Variants in SLC9A9 observed in about 807,000 individuals in gnomAD.
SLC9A9 encodes solute carrier family 9 member A9, also known as sodium/hydrogen exchanger 9.
In SLC9A9, 62 loss-of-function variants were observed where a neutral mutation model predicts 77.8. The observed-to-expected ratio is 0.80, with a 90% CI of 0.65 to 0.98. SLC9A9 has a LOEUF of 0.98. Among genes scored for constraint, SLC9A9 ranks in the 50% least tolerant of loss-of-function variants. SLC9A9 has a pLI of 0.00. For missense variants in SLC9A9, 775 were observed against 774.9 expected (o/e 1.00, Z 0.00); for synonymous variants, 320 against 283.5 (o/e 1.13, Z -1.29).
intron 9 of SLC9A9, among the ~76,000 whole-genome samples, chr3:143,505,879 T>G (rs2036006946): frequency 6.6e-6 from 1 of 152,184 alleles, no homozygotes. Context: ...AGCTTATAAC[T>G]TAAGGGGAAG....
chr3:143,403,912 TC>T (rs891495616), intron 12 of SLC9A9, among the ~76,000 whole-genome samples: 1 of 152,178 alleles, frequency 6.6e-6, no homozygotes, highest in Non-Finnish European at 1.5e-5. Flanking sequence ...ATTATTTTTT[TC>T]TGCCCTTTCT....
intron 4 of SLC9A9, among the ~76,000 whole-genome samples, chr3:143,785,978 T>A (rs2008043839): frequency 6.8e-6 from 1 of 147,920 alleles, no homozygotes; most frequent in Non-Finnish European, 1.5e-5. Flanking sequence ...TGCCTCAGCC[T>A]CCCATGTAGC....
intron 6 of SLC9A9, among the ~76,000 whole-genome samples, chr3:143,650,027 C>T (rs1002907175): frequency 6.6e-6 from 1 of 152,090 alleles, no homozygotes; most frequent in Non-Finnish European, 1.5e-5. Context: ...AGAAGCTCAG[C>T]CCATGGGCTG....
At chr3:143,761,905 A>G (rs1259654858) in intron 4 of SLC9A9, among the ~76,000 whole-genome samples, 2 of 152,174 alleles carry the variant, frequency 1.3e-5, no homozygotes, top group Admixed American at 6.6e-5. Flanking sequence ...TGTTTATTGC[A>G]GCACTATTCA....
chr3:143,751,699 C>T (rs1560063070), intron 4 of SLC9A9, among the ~76,000 whole-genome samples: 1 of 152,146 alleles, frequency 6.6e-6, no homozygotes, highest in South Asian at 2.1e-4. Flanking sequence ...GGTTGGCTTC[C>T]AAGGGAGCCT....
chr3:143,558,212 TGTACAG>T (rs1426266377), intron 8 of SLC9A9, among the ~76,000 whole-genome samples: 1 of 152,204 alleles, frequency 6.6e-6, no homozygotes, highest in Non-Finnish European at 1.5e-5. Flanking sequence ...AATGCCTGGA[TGTACAG>T]GCAGAAGTTT....
At chr3:143,784,762 A>G (rs965911010) in intron 4 of SLC9A9, among the ~76,000 whole-genome samples, 2 of 152,224 alleles carry the variant, frequency 1.3e-5, no homozygotes, top group African/African-American at 4.8e-5. Context: ...ACTGTGATGG[A>G]ATAAATGCTT....
At position 143,783,008 on chromosome 3, in the gene SLC9A9, G is replaced by C. The variant is rs16854312; in HGVS notation, c.533+11993C>G. Among the ~76,000 whole-genome samples the C allele has an allele frequency of 9.1e-3, 1,386 of 152,150 alleles. 20 individuals carry two copies. Among genetic ancestry groups the C allele is most frequent in the African/African-American group, 0.03 (1,242 of 41,518 alleles). ...ATTCAAACCGCTCTCAGATCCAACC[G>C]AGTAGCATCCAGGTTCAAACTTTCA... On this transcript the variant is annotated intron_variant, in intron 4 of 15. Coordinates refer to ENST00000316549, the MANE Select transcript of SLC9A9 (RefSeq NM_173653.4).
chr3:143,686,856 T>A (rs10513217), intron 5 of SLC9A9, among the ~76,000 whole-genome samples: 3 of 151,954 alleles, frequency 2.0e-5, no homozygotes, highest in Non-Finnish European at 4.4e-5. Flanking sequence ...GCTTTTGCTC[T>A]CTTAAGTTTT....
At chr3:143,312,895 C>G (rs1005853004) in intron 14 of SLC9A9, among the ~76,000 whole-genome samples, 1 of 152,354 alleles carries the variant, frequency 6.6e-6, no homozygotes, top group South Asian at 2.1e-4. Context: ...AATCTTCCAT[C>G]CCCAAGAACA....
chr3:143,376,167 G>A (rs898801076), intron 13 of SLC9A9, among the ~76,000 whole-genome samples: 7 of 152,174 alleles, frequency 4.6e-5, no homozygotes, highest in Non-Finnish European at 8.8e-5. Context: ...TTTGGGTGAA[G>A]GGAACGATTC....
rs2036167963 is a variant in SLC9A9 at position 143,514,268 on chromosome 3, G to A, written c.1090-18820C>T. On this transcript the variant is annotated intron_variant, in intron 9 of 15. Transcript: ENST00000316549. Reference sequence around the variant, plus strand: ...ATGGCGGTTTCTTCAAACAAACCATGCTGTAAACAGATGTGCTGTCATCCA... The same window carrying A: ...ATGGCGGTTTCTTCAAACAAACCATACTGTAAACAGATGTGCTGTCATCCA... Among the ~76,000 whole-genome samples, 3 of 151,198 alleles carry A rather than the reference G, an allele frequency of 2.0e-5. No homozygotes were observed. The South Asian group carries it at 6.3e-4, about 31-fold the overall frequency.
intron 6 of SLC9A9, among the ~76,000 whole-genome samples, chr3:143,581,270 T>C (rs1231599451): frequency 6.6e-6 from 1 of 152,164 alleles, no homozygotes. Flanking sequence ...TGGCTGCACC[T>C]ATGTGGGCAC....
chr3:143,590,452 A>G (rs1030461658), intron 6 of SLC9A9, among the ~76,000 whole-genome samples: 7 of 152,252 alleles, frequency 4.6e-5, no homozygotes, highest in African/African-American at 1.7e-4. Context: ...CAACTAGTGT[A>G]TTAGAACATT....
At chr3:143,777,124 T>C (rs553423445) in intron 4 of SLC9A9, among the ~76,000 whole-genome samples, 76 of 152,308 alleles carry the variant, frequency 5.0e-4, no homozygotes, top group African/African-American at 1.8e-3. Flanking sequence ...ACCAGTCTGG[T>C]GTTGGAGTAC....
intron 4 of SLC9A9, among the ~76,000 whole-genome samples, chr3:143,787,354 A>G (rs1191473077): frequency 6.6e-6 from 1 of 152,210 alleles, no homozygotes; most frequent in African/African-American, 2.4e-5. Context: ...ATTATCAATC[A>G]TTTGTCTTTA....
At chr3:143,303,630 T>C (rs188264324) in intron 14 of SLC9A9, among the ~76,000 whole-genome samples, 55 of 152,262 alleles carry the variant, frequency 3.6e-4, no homozygotes, top group African/African-American at 1.2e-3. Flanking sequence ...AAAGATATTA[T>C]TTGCTTTTTA....
intron 4 of SLC9A9, among the ~76,000 whole-genome samples, chr3:143,722,185 C>A (rs565671577): frequency 6.6e-6 from 1 of 152,046 alleles, no homozygotes; most frequent in Non-Finnish European, 1.5e-5. Context: ...TAAAATAAGT[C>A]ATCATTGGCC....
intron 6 of SLC9A9, among the ~76,000 whole-genome samples, chr3:143,598,405 G>A (rs2037792948): frequency 6.6e-6 from 1 of 152,250 alleles, no homozygotes; most frequent in Non-Finnish European, 1.5e-5. Context: ...TGGGGCTGTA[G>A]CTGTGCCTTG....
Sources: allele counts gnomAD v4.1 joint callset (sites outside exome capture counted in the v4.1 genomes callset), GRCh38; gene constraint gnomAD v4.1.1; transcripts MANE v1.5; gene names NCBI Gene and HGNC (gene_info 2026-07-23, HGNC 2026-07-21).